FHIT: variants seen among roughly 807,000 people sequenced by gnomAD.
FHIT encodes fragile histidine triad diadenosine triphosphatase.
In FHIT, 19 loss-of-function variants were observed where a neutral mutation model predicts 17.9. The ratio of observed to expected loss-of-function variants is 1.06; its 90% CI spans 0.74 to 1.56. FHIT has a LOEUF of 1.56. Among genes scored for constraint, FHIT ranks in the 40% most tolerant of loss-of-function variants. The pLI is 0.00. For missense variants in FHIT, 248 were observed against 189.2 expected (o/e 1.31, Z -1.82); for synonymous variants, 81 against 69.7 (o/e 1.16, Z -0.81).
At chr3:61,173,930 G>A (rs1005366984) in intron 2 of FHIT, among the ~76,000 whole-genome samples, 1 of 152,166 alleles carries the variant, frequency 6.6e-6, no homozygotes, top group African/African-American at 2.4e-5. Flanking sequence ...CAGTACTCTG[G>A]ACTTTGAATG....
chr3:61,083,077 G>C (rs1575980423), intron 2 of FHIT, among the ~76,000 whole-genome samples: 2 of 152,198 alleles, frequency 1.3e-5, no homozygotes, highest in East Asian at 3.9e-4. Context: ...TTTTCTCTCA[G>C]CTAGTGATGT....
rs190096193 is a variant in FHIT at position 60,945,190 on chromosome 3, T to A, written c.-111+96857A>T. ...AACAGGAGGCAAAGGCATACAAATA[T>A]CTCGGGGAGAAGATTTCCAAACAAA... On this transcript the variant is annotated intron_variant, in intron 3 of 9. Coordinates refer to ENST00000492590, the MANE Select transcript of FHIT (RefSeq NM_002012.4). 3.1e-3 allele frequency among the ~76,000 whole-genome samples: 469 copies of A among 151,972 alleles called. 2 individuals carry two copies. Among genetic ancestry groups the A allele is most frequent in the African/African-American group, 0.011 (449 of 41,464 alleles).
intron 2 of FHIT, among the ~76,000 whole-genome samples, chr3:61,191,936 G>A (rs1381688999): frequency 2.0e-5 from 3 of 152,196 alleles, no homozygotes; most frequent in African/African-American, 7.2e-5. Context: ...GATTTAGGAA[G>A]GAGCATGGGA....
chr3:60,151,424 C>T (rs1240336262), intron 5 of FHIT, among the ~76,000 whole-genome samples: 1 of 152,186 alleles, frequency 6.6e-6, no homozygotes, highest in Non-Finnish European at 1.5e-5. Flanking sequence ...GCCTCCTAAT[C>T]AGTCCAAACT....
chr3:60,432,593 C>A (rs376705115), intron 5 of FHIT, among the ~76,000 whole-genome samples: 1 of 152,184 alleles, frequency 6.6e-6, no homozygotes, highest in South Asian at 2.1e-4. Flanking sequence ...AGACTACTAG[C>A]ATGCAGGCAA....
intron 8 of FHIT, among the ~76,000 whole-genome samples, chr3:59,894,847 G>C (rs1048632080): frequency 2.0e-5 from 3 of 152,122 alleles, no homozygotes; most frequent in Non-Finnish European, 4.4e-5. Flanking sequence ...AGGAAACCTT[G>C]GTTTCATCCC....
chr3:60,092,931 G>A (rs979119380), intron 5 of FHIT, among the ~76,000 whole-genome samples: 1 of 152,128 alleles, frequency 6.6e-6, no homozygotes, highest in African/African-American at 2.4e-5. Context: ...AACCAGCTTG[G>A]TGCCAAAGAC....
intron 7 of FHIT, among the ~76,000 whole-genome samples, chr3:59,959,228 T>C (rs771608673): frequency 6.6e-6 from 1 of 152,160 alleles, no homozygotes. Flanking sequence ...CTACCAAATT[T>C]CCTCTCCAGT....
At chr3:60,697,425 A>G (rs1553700891) in intron 4 of FHIT, among the ~76,000 whole-genome samples, 1 of 152,162 alleles carries the variant, frequency 6.6e-6, no homozygotes, top group East Asian at 1.9e-4. Context: ...CTTTTCCTGT[A>G]CAAATTATAT....
chr3:60,095,274 C>T (rs1290808752), intron 5 of FHIT, among the ~76,000 whole-genome samples: 2 of 152,106 alleles, frequency 1.3e-5, no homozygotes, highest in Admixed American at 1.3e-4. Flanking sequence ...CATTTAACAC[C>T]CAAATGAAAC....
intron 5 of FHIT, among the ~76,000 whole-genome samples, chr3:60,091,600 G>A (rs1398562528): frequency 1.3e-5 from 2 of 152,176 alleles, no homozygotes; most frequent in African/African-American, 2.4e-5. Context: ...ACGTGGGATT[G>A]TAATCCTTAA....
At chr3:60,640,934 C>G (rs2039709532) in intron 4 of FHIT, among the ~76,000 whole-genome samples, 1 of 152,140 alleles carries the variant, frequency 6.6e-6, no homozygotes, top group Non-Finnish European at 1.5e-5. Context: ...AATCCCAGCA[C>G]TTTGGGTGGC....
chr3:61,003,134 A>C (rs1470703316), intron 3 of FHIT, among the ~76,000 whole-genome samples: 2 of 152,256 alleles, frequency 1.3e-5, no homozygotes, highest in Non-Finnish European at 2.9e-5. Context: ...AGGTTTTTAT[A>C]TAAATAATTT....
At chr3:60,632,988 G>C (rs1426039247) in intron 4 of FHIT, among the ~76,000 whole-genome samples, 2 of 152,168 alleles carry the variant, frequency 1.3e-5, no homozygotes, top group South Asian at 2.1e-4. Context: ...GAGCAAAAGA[G>C]AACAGAGTAA....
At chr3:60,662,791 T>C (rs2040289258) in intron 4 of FHIT, among the ~76,000 whole-genome samples, 1 of 152,102 alleles carries the variant, frequency 6.6e-6, no homozygotes, top group Non-Finnish European at 1.5e-5. Context: ...TTTCTAACTA[T>C]TTTATATAAG....
At chr3:60,438,368 A>G (rs2030470204) in intron 5 of FHIT, among the ~76,000 whole-genome samples, 1 of 151,966 alleles carries the variant, frequency 6.6e-6, no homozygotes, top group Non-Finnish European at 1.5e-5. Context: ...CATGCTTACT[A>G]GTAACACTGC....
chr3:60,486,603 G>C (rs551050874), intron 5 of FHIT, among the ~76,000 whole-genome samples: 2 of 152,244 alleles, frequency 1.3e-5, no homozygotes, highest in South Asian at 4.1e-4. Context: ...GAGAAGGGCA[G>C]GCTCTGATGT....
At chr3:60,545,265 T>C (rs910680119) in intron 4 of FHIT, among the ~76,000 whole-genome samples, 2 of 152,202 alleles carry the variant, frequency 1.3e-5, no homozygotes, top group African/African-American at 4.8e-5. Flanking sequence ...TTTCTTCATC[T>C]GTTATTCAAA....
At chr3:60,921,951 T>A (rs1707309840) in intron 3 of FHIT, among the ~76,000 whole-genome samples, 1 of 152,136 alleles carries the variant, frequency 6.6e-6, no homozygotes, top group African/African-American at 2.4e-5. Flanking sequence ...GTAGAAAGCA[T>A]GAGAAAATAA....
Sources: gnomAD v4.1 joint callset for allele counts (sites outside exome capture counted in the v4.1 genomes callset) on GRCh38, gnomAD v4.1.1 for gene constraint, MANE v1.5 for transcripts, NCBI Gene and HGNC (gene_info 2026-07-23, HGNC 2026-07-21) for gene names.